SCD: variants seen among roughly 807,000 people sequenced by gnomAD.
The protein encoded by SCD is stearoyl-CoA desaturase, also known as acyl-CoA desaturase.
A neutral mutation model predicts 35.7 loss-of-function variants in SCD; 4 were observed. The observed-to-expected ratio is 0.11, with a 90% CI of 0.06 to 0.26. The LOEUF (loss-of-function observed/expected upper bound fraction) is 0.26. SCD is among the 10% of genes least tolerant of loss of function. The probability of loss-of-function intolerance (pLI) is 1.00; values close to 1 mark genes in which losing one functional copy is unlikely to be tolerated. For missense variants in SCD, 282 were observed against 460.7 expected (o/e 0.61, Z 3.55); for synonymous variants, 150 against 170.2 (o/e 0.88, Z 0.92).
chr10:100,360,136 C>G (rs1849974845), intron 5 of SCD, among the ~76,000 whole-genome samples: 1 of 152,230 alleles, frequency 6.6e-6, no homozygotes, highest in South Asian at 2.1e-4. Context: ...AGGGCCCACT[C>G]TTTTGGAACC....
intron 3 of SCD, among the ~76,000 whole-genome samples, chr10:100,353,047 C>T (rs1411049561): frequency 6.6e-6 from 1 of 152,076 alleles, no homozygotes. Context: ...AGTTGATGTT[C>T]CCAGACTCGT....
intron 5 of SCD, among the ~76,000 whole-genome samples, chr10:100,358,598 C>CAAAA (rs547927999): frequency 1.9e-4 from 15 of 78,496 alleles, no homozygotes; most frequent in Admixed American, 6.0e-4. Context: ...GACTCCGTCT[C>CAAAA]AAAAAAAAAA....
chr10:100,353,449 G>T (rs1849892169), intron 3 of SCD, among the ~76,000 whole-genome samples: 2 of 152,088 alleles, frequency 1.3e-5, no homozygotes, highest in Admixed American at 1.3e-4. Flanking sequence ...GCCAGGCGTG[G>T]TGGCGGGCAC....
Position 100,356,608 on chromosome 10 carries a change from T to C in SCD, c.724T>C (p.Phe242Leu), listed in dbSNP as rs879159278. ...GCCCTGGTATTTCTGGGGTGAAACTTTTCAAAACAGTGTGTTCGTTGCCAC... is the reference window on the plus strand; with the variant it reads ...GCCCTGGTATTTCTGGGGTGAAACTCTTCAAAACAGTGTGTTCGTTGCCAC... ...LVPWYFWGET[F>L]QNSVFVATFL... The change falls in exon 5 of 6, where the codon TTT becomes CTT. Residue 242 changes from phenylalanine to leucine, a missense_variant. Phe to Leu is a conservative substitution (Grantham distance 22). Around this residue, in one of 2 missense-constraint regions of SCD, gnomAD observed 205 missense variants for 372.3 expected, o/e 0.55. Transcript: ENST00000370355. The surrounding 1 kb of genome is among the most constrained non-coding windows in gnomAD (Gnocchi z 4.1). 1.2e-6 allele frequency: 2 copies of C among 1,614,214 alleles called. No homozygotes were observed. Among genetic ancestry groups the C allele is most frequent in the South Asian group, 1.1e-5 (1 of 91,088 alleles).
chr10:100,351,157 G>A (rs560007543), intron 2 of SCD, among the ~76,000 whole-genome samples: 3 of 152,284 alleles, frequency 2.0e-5, no homozygotes, highest in African/African-American at 7.2e-5. Context: ...TTTCTATCAA[G>A]GCCACAGCTT....
chr10:100,348,078 TACCACC>T lies in SCD; in HGVS notation c.53_58del (p.Thr18_Thr19del). On this transcript the variant is annotated inframe_deletion, in exon 2 of 6. Transcript: ENST00000370355. ...CCCCCTTCCAGATCTCTAGCTCCTA[TACCACC>T]ACCACCACCATTACAGCGCCTCCCT... The T allele has an allele frequency of 6.2e-7, 1 of 1,613,328 alleles. No individual in the cohort carries two copies. Among genetic ancestry groups the T allele is most frequent in the South Asian group, 1.1e-5 (1 of 91,044 alleles).
rs1035170399 is a variant in SCD at position 100,348,920 on chromosome 10, G to A, written c.310+574G>A. Reference sequence around the variant, plus strand: ...CGTTACAGAGGAAGATGAAGCTCCCGTGCAACCCAAGTCACACAGGTGTGT... The same window carrying A: ...CGTTACAGAGGAAGATGAAGCTCCCATGCAACCCAAGTCACACAGGTGTGT... On this transcript the variant is annotated intron_variant, in intron 2 of 5. Transcript: ENST00000370355. Among the ~76,000 whole-genome samples the A allele has an allele frequency of 5.3e-5, 8 of 152,324 alleles. No individual in the cohort carries two copies. The South Asian group carries it at 1.0e-3, about 20-fold the overall frequency.
chr10:100,348,453 G>A (rs1168155997), intron 2 of SCD, 107 bp downstream of exon 2: 1 of 1,198,352 alleles, frequency 8.3e-7, no homozygotes, highest in Non-Finnish European at 1.2e-6. Flanking sequence ...CTCCCGGTTG[G>A]GGTTTTTCTC....
chr10:100,357,787 T>C (rs1849943760), intron 5 of SCD, among the ~76,000 whole-genome samples: 2 of 151,926 alleles, frequency 1.3e-5, no homozygotes, highest in African/African-American at 2.4e-5. Context: ...TGTCCCTCTT[T>C]CCAACTGAAT....
rs570349352 is a variant in SCD, at chr10:100,362,935, C to G, written c.*2002C>G. 2.6e-5 allele frequency: 4 copies of G among 152,414 alleles called. No individual in the cohort carries two copies. The South Asian group carries it at 8.3e-4, about 32-fold the overall frequency. The allele number at this position is 152,414 out of a possible 1,614,324, so 9.4% of individuals were successfully genotyped here. A position where few individuals can be genotyped will look rare whatever the true frequency, so the allele number is the denominator to read the frequency against. On this transcript the variant is annotated 3_prime_UTR_variant, in exon 6 of 6. Coordinates refer to ENST00000370355, the MANE Select transcript of SCD (RefSeq NM_005063.5). ...CAGAACCAGAGGGCATGCTGAATGC[C>G]CCCTGCTTACTTGGTGAGGGTGCCC...
chr10:100,355,115 G>T (rs1049874182), intron 4 of SCD, among the ~76,000 whole-genome samples: 6 of 152,128 alleles, frequency 3.9e-5, no homozygotes, highest in Non-Finnish European at 7.4e-5. Context: ...TGGGGACAAG[G>T]TCTCACTCAC....
intron 4 of SCD, among the ~76,000 whole-genome samples, 165 bp downstream of exon 4, chr10:100,354,797 T>C (rs1464444593): frequency 6.6e-6 from 1 of 152,212 alleles, no homozygotes; most frequent in Admixed American, 6.5e-5. Context: ...CACGGGCCCG[T>C]AGCCATAGAC....
chr10:100,363,911 C>G lies in SCD; in HGVS notation c.*2978C>G, dbSNP rs1850014782. 1 of 152,488 alleles carries G rather than the reference C, an allele frequency of 6.6e-6. No homozygotes were observed. The highest frequency in any genetic ancestry group is 1.5e-5 in the Non-Finnish European group (1 of 68,034). The allele number at this position is 152,488 out of a possible 1,614,324, so 9.4% of individuals were successfully genotyped here. A position where few individuals can be genotyped will look rare whatever the true frequency, so the allele number is the denominator to read the frequency against. On this transcript the variant is annotated 3_prime_UTR_variant, in exon 6 of 6. Coordinates refer to ENST00000370355, the MANE Select transcript of SCD (RefSeq NM_005063.5). ...ATCACAGTGTTGCATATGAGCCTGC[C>G]CTCACTCCCTCTGCAGAATCCCTTT...
Position 100,347,496 on chromosome 10 carries a change from A to T in SCD, c.-9A>T. ...CCCTGGAAAGTGATCCCGGCATCCG[A>T]GAGCCAAGATGCCGGCCCACTTGCT... On this transcript the variant is annotated 5_prime_UTR_variant, in exon 1 of 6. Coordinates refer to ENST00000370355, the MANE Select transcript of SCD (RefSeq NM_005063.5). 6.2e-7 allele frequency: 1 copy of T among 1,613,860 alleles called. No homozygotes were observed. The highest frequency in any genetic ancestry group is 8.5e-7 in the Non-Finnish European group (1 of 1,179,956).
In SCD at chr10:100,358,220, CGAACTCCT is replaced by C. The variant is rs1342384620; in HGVS notation, c.880+1459_880+1466del. 5.3e-5 allele frequency among the ~76,000 whole-genome samples: 8 copies of C among 152,176 alleles called. No homozygotes were observed. The East Asian group carries it at 1.6e-3, about 30-fold the overall frequency. On this transcript the variant is annotated intron_variant, in intron 5 of 5. Coordinates refer to ENST00000370355, the MANE Select transcript of SCD (RefSeq NM_005063.5). ...TTTGCCATGTTGCACAGGCTGGTCTCGAACTCCTGAGCTCAAGTGATCTTCCTGCCTTG... is the reference window on the plus strand; with the variant it reads ...TTTGCCATGTTGCACAGGCTGGTCTCGAGCTCAAGTGATCTTCCTGCCTTG...
At chr10:100,351,931 A>G (rs765082453) in intron 2 of SCD, among the ~76,000 whole-genome samples, 6 of 152,034 alleles carry the variant, frequency 3.9e-5, no homozygotes, top group Non-Finnish European at 8.8e-5. Flanking sequence ...AGTGGTTCAT[A>G]CTACACCTGG....
intron 3 of SCD, among the ~76,000 whole-genome samples, chr10:100,353,786 A>G (rs1056096307): frequency 6.6e-6 from 1 of 152,226 alleles, no homozygotes; most frequent in Non-Finnish European, 1.5e-5. Flanking sequence ...CATCTCTGCC[A>G]TAGCAGCTTA....
At chr10:100,348,982 T>C (rs868350037) in intron 2 of SCD, among the ~76,000 whole-genome samples, 3 of 152,234 alleles carry the variant, frequency 2.0e-5, no homozygotes, top group African/African-American at 7.2e-5. Context: ...GTGCTGCACA[T>C]ACCAGTCAAC....
Position 100,356,846 on chromosome 10 carries a change from A to G in SCD, c.880+82A>G. On this transcript the variant is annotated intron_variant, in intron 5 of 5. Transcript: ENST00000370355. The surrounding 1 kb of genome is among the most constrained non-coding windows in gnomAD (Gnocchi z 4.1). ...GCTAGGAGCCAGAAAAACTAGATAA[A>G]TCTGTTTTTTATGGCTACTTTGTAT... 6.1e-6 allele frequency: 7 copies of G among 1,140,848 alleles called. No homozygotes were observed. Among genetic ancestry groups the G allele is most frequent in the Non-Finnish European group, 9.0e-6 (7 of 778,540 alleles). The allele number at this position is 1,140,848 out of a possible 1,614,324, so 70.7% of individuals were successfully genotyped here. A position where few individuals can be genotyped will look rare whatever the true frequency, so the allele number is the denominator to read the frequency against.
Sources: gnomAD v4.1 joint callset for allele counts (sites outside exome capture counted in the v4.1 genomes callset) on GRCh38, gnomAD v4.1.1 for gene constraint, gnomAD v4.1.1 regional missense constraint, Gnocchi (gnomAD v3.1) non-coding constraint, MANE v1.5 for transcripts, NCBI Gene and HGNC (gene_info 2026-07-23, HGNC 2026-07-21) for gene names.